The following EML5 variants were observed in gnomAD, a reference collection of about 807,000 sequenced individuals.
EML5 encodes echinoderm microtubule-associated protein-like 5.
EML5 carries 120 observed loss-of-function variants against 250.0 expected under a neutral mutation model. That is an observed-to-expected ratio of 0.48 (90% confidence interval 0.41 to 0.56). The LOEUF is 0.56. EML5 is among the 20% of genes least tolerant of loss of function. The pLI is 0.00. For missense variants in EML5, 2,006 were observed against 2,437.6 expected, an observed-to-expected ratio of 0.82 and a Z score of 3.73; for synonymous variants, 771 against 806.5, an observed-to-expected ratio of 0.96 and a Z score of 0.75.
rs2087591080 is a variant in EML5 at position 88,616,235 on chromosome 14, T to C, written c.5804A>G (p.His1935Arg). The change falls in exon 43 of 44, where the codon CAC becomes CGC. Residue 1935 changes from histidine (H) to arginine (R), a missense_variant. This residue lies in a region of EML5 where 56 missense variants were observed against 55.1 expected (regional missense o/e 1.02). Transcript: ENST00000554922. ...DFPCPEKFAK[H>R]KRFLGHSPHV... ...GGGCGAATGACCCAAGAACCTTTTGTGTTTTGCCTAAAAAACAATGACAGA... is the reference window on the plus strand; with the variant it reads ...GGGCGAATGACCCAAGAACCTTTTGCGTTTTGCCTAAAAAACAATGACAGA... The C allele has an allele frequency of 1.2e-6, 2 of 1,613,844 alleles. No individual in the cohort carries two copies. Among genetic ancestry groups the C allele is most frequent in the Non-Finnish European group, 1.7e-6 (2 of 1,179,740 alleles).
intron 10 of EML5, 86 bp downstream of exon 10, chr14:88,712,185 T>A (rs1232814401): frequency 1.1e-6 from 1 of 900,638 alleles, no homozygotes; most frequent in Admixed American, 2.7e-5. Context: ...AAATATGAAA[T>A]CCTTTATCTC....
At chr14:88,706,177 T>C (rs1176343786) in intron 11 of EML5, 82 bp downstream of exon 11, 30 of 1,311,734 alleles carry the variant, frequency 2.3e-5, no homozygotes, top group Non-Finnish European at 2.9e-5. Flanking sequence ...GGCCAGATTA[T>C]ACTTTAATAT....
chr14:88,687,056 C>T (rs2092848902), intron 19 of EML5, among the ~76,000 whole-genome samples, 160 bp downstream of exon 19: 1 of 152,152 alleles, frequency 6.6e-6, no homozygotes, highest in South Asian at 2.1e-4. Context: ...GAAAAGATGG[C>T]AATGATTCTG....
chr14:88,671,931 C>T (rs77138386), intron 21 of EML5, among the ~76,000 whole-genome samples: 2 of 152,214 alleles, frequency 1.3e-5, no homozygotes, highest in African/African-American at 2.4e-5. Flanking sequence ...GAAGAGACAA[C>T]TTAAACTCCC....
intron 28 of EML5, among the ~76,000 whole-genome samples, chr14:88,647,713 G>A (rs1038662706): frequency 7.6e-6 from 1 of 130,870 alleles, no homozygotes; most frequent in Non-Finnish European, 1.6e-5. Context: ...AAAAAAAAGG[G>A]TTACTCCATT....
At chr14:88,625,154 C>G in intron 35 of EML5, 27 bp from the exon 36 acceptor site, 1 of 1,610,306 alleles carries the variant, frequency 6.2e-7, no homozygotes, top group Non-Finnish European at 8.5e-7. Context: ...GAGGGGGAGA[C>G]AAACTCATCA....
intron 33 of EML5, among the ~76,000 whole-genome samples, chr14:88,629,985 C>G (rs1036150061): frequency 4.1e-4 from 62 of 150,862 alleles, no homozygotes; most frequent in Non-Finnish European, 8.6e-4. Flanking sequence ...TATTCTTTAT[C>G]CCCTAGTTTG....
chr14:88,696,823 T>C, intron 15 of EML5, 24 bp downstream of exon 15: 1 of 1,550,184 alleles, frequency 6.5e-7, no homozygotes, highest in Non-Finnish European at 8.8e-7. Context: ...TGTTAATTCT[T>C]ACTGAGACAG....
intron 18 of EML5, 83 bp from the exon 19 acceptor site, chr14:88,687,410 T>C (rs1249764357): frequency 1.0e-6 from 1 of 965,252 alleles, no homozygotes; most frequent in African/African-American, 1.7e-5. Context: ...TGAAAACTTC[T>C]AGAAAAAAGA....
intron 2 of EML5, among the ~76,000 whole-genome samples, chr14:88,747,194 T>C (rs1043198691): frequency 6.6e-6 from 1 of 151,932 alleles, no homozygotes; most frequent in Non-Finnish European, 1.5e-5. Context: ...GGTGGATTGC[T>C]TGAGGCCAGG....
intron 9 of EML5, among the ~76,000 whole-genome samples, chr14:88,713,285 G>A (rs555907094): frequency 2.0e-5 from 3 of 151,964 alleles, no homozygotes; most frequent in South Asian, 2.1e-4. Flanking sequence ...TCAGCTACTC[G>A]GGAGGCTGAG....
chr14:88,702,428 T>G lies in EML5; in HGVS notation c.2238+18A>C. 6.3e-7 allele frequency: 1 copy of G among 1,583,576 alleles called. No homozygotes were observed. Among genetic ancestry groups the G allele is most frequent in the Non-Finnish European group, 8.6e-7 (1 of 1,165,982 alleles). On this transcript the variant is annotated intron_variant, in intron 14 of 43. Coordinates refer to ENST00000554922, the MANE Select transcript of EML5 (RefSeq NM_183387.3). ...AAGGTGTAGCTTATCTGGCTTATTG[T>G]CAGTCTTTCAAACCTACCTGGCCTG...
chr14:88,712,557 C>G, intron 9 of EML5, 74 bp from the exon 10 acceptor site: 1 of 1,239,248 alleles, frequency 8.1e-7, no homozygotes, highest in Non-Finnish European at 1.1e-6. Flanking sequence ...GTACTGAGAA[C>G]ATAGTAAATT....
intron 21 of EML5, among the ~76,000 whole-genome samples, chr14:88,680,588 GACAT>G (rs1567111684): frequency 6.6e-6 from 1 of 151,696 alleles, no homozygotes; most frequent in African/African-American, 2.4e-5. Context: ...TTCATGAAGG[GACAT>G]ACATTAACTG....
At chr14:88,654,808 A>T (rs1166603306) in intron 27 of EML5, among the ~76,000 whole-genome samples, 1 of 152,096 alleles carries the variant, frequency 6.6e-6, no homozygotes. Context: ...GTTTGTCCAG[A>T]GCTGAGTTCA....
intron 27 of EML5, among the ~76,000 whole-genome samples, chr14:88,653,628 G>A (rs1454377510): frequency 6.6e-6 from 1 of 152,168 alleles, no homozygotes; most frequent in Non-Finnish European, 1.5e-5. Flanking sequence ...AATGAGCTTT[G>A]CATCCCAGGG....
At chr14:88,641,725 T>C (rs2091077005) in intron 31 of EML5, among the ~76,000 whole-genome samples, 1 of 152,116 alleles carries the variant, frequency 6.6e-6, no homozygotes, top group African/African-American at 2.4e-5. Context: ...ATGCACAATG[T>C]ATCCTCAAAC....
chr14:88,734,079 T>A (rs1486195532), intron 7 of EML5, among the ~76,000 whole-genome samples: 1 of 150,864 alleles, frequency 6.6e-6, no homozygotes, highest in Non-Finnish European at 1.5e-5. Context: ...AGAGTTAACA[T>A]CCATAATATA....
Position 88,792,034 on chromosome 14 carries a change from G to A in EML5, c.197+273C>T, listed in dbSNP as rs1216789643. On this transcript the variant is annotated intron_variant, in intron 1 of 43. Transcript: ENST00000554922. The surrounding 1 kb of genome is among the most constrained non-coding windows in gnomAD (Gnocchi z 6.9). ...TCGCAGTTTTCGTAATTGTGATGGA[G>A]TGGGAAAGGGGACAAAGCCGTCAAA... 2.6e-5 allele frequency among the ~76,000 whole-genome samples: 4 copies of A among 152,226 alleles called. No individual in the cohort carries two copies. Among genetic ancestry groups the A allele is most frequent in the Non-Finnish European group, 1.5e-5 (1 of 68,046 alleles).
Sources: allele counts gnomAD v4.1 joint callset (sites outside exome capture counted in the v4.1 genomes callset), GRCh38; gene constraint gnomAD v4.1.1; regional missense constraint gnomAD v4.1.1; non-coding constraint Gnocchi (gnomAD v3.1); transcripts MANE v1.5; gene names NCBI Gene and HGNC (gene_info 2026-07-23, HGNC 2026-07-21).